CSMD1: variants seen among roughly 807,000 people sequenced by gnomAD.
The protein encoded by CSMD1 is CUB and Sushi multiple domains 1.
Under a neutral mutation model 417.5 loss-of-function variants are expected in CSMD1, and 213 were observed. The observed-to-expected ratio is 0.51, with a 90% confidence interval of 0.46 to 0.57. The LOEUF (loss-of-function observed/expected upper bound fraction) is 0.57, where lower values mean the gene tolerates loss of function less well. Among genes scored for constraint, CSMD1 ranks in the 20% least tolerant of loss-of-function variants. The pLI, the probability that CSMD1 is intolerant of heterozygous loss-of-function variation, is 0.00. For missense variants in CSMD1, 6,923 were observed against 4,529.7 expected, an observed-to-expected ratio of 1.53 and a Z score of -15.17; for synonymous variants, 2,862 against 1,736.8, an observed-to-expected ratio of 1.65 and a Z score of -16.11.
chr8:4,271,280 C>T (rs192030359), intron 3 of CSMD1, among the ~76,000 whole-genome samples: 3 of 152,006 alleles, frequency 2.0e-5, no homozygotes, highest in African/African-American at 7.3e-5. Flanking sequence ...GGGGTTGGTG[C>T]CCTAACAGCA....
intron 3 of CSMD1, among the ~76,000 whole-genome samples, chr8:4,082,967 G>T (rs1004376642): frequency 6.6e-6 from 1 of 151,686 alleles, no homozygotes; most frequent in Non-Finnish European, 1.5e-5. Flanking sequence ...TGGCTGAATA[G>T]GACTCCATGG....
At chr8:4,830,792 A>C in intron 1 of CSMD1, among the ~76,000 whole-genome samples, 1 of 152,230 alleles carries the variant, frequency 6.6e-6, no homozygotes, top group Non-Finnish European at 1.5e-5. Context: ...AGTCAAGTGC[A>C]GCCTACTGTG....
intron 3 of CSMD1, among the ~76,000 whole-genome samples, chr8:4,308,085 C>G (rs13265430): frequency 6.6e-6 from 1 of 151,968 alleles, no homozygotes; most frequent in Non-Finnish European, 1.5e-5. Flanking sequence ...GGTCTTTATT[C>G]GAACAGTGGC....
chr8:3,855,948 C>T (rs1234766292), intron 5 of CSMD1, among the ~76,000 whole-genome samples: 1 of 152,136 alleles, frequency 6.6e-6, no homozygotes, highest in Non-Finnish European at 1.5e-5. Flanking sequence ...ATCCCAGAAG[C>T]ATCTCCCTAC....
At chr8:3,834,390 T>A (rs1047525889) in intron 5 of CSMD1, among the ~76,000 whole-genome samples, 1 of 152,050 alleles carries the variant, frequency 6.6e-6, no homozygotes, top group African/African-American at 2.4e-5. Context: ...CAACCAATTG[T>A]GCCTGCACAG....
chr8:3,708,921 T>C (rs567664380), intron 6 of CSMD1, among the ~76,000 whole-genome samples: 3 of 152,292 alleles, frequency 2.0e-5, no homozygotes, highest in African/African-American at 7.2e-5. Flanking sequence ...CTCATTCATG[T>C]ATTCATATAT....
intron 5 of CSMD1, among the ~76,000 whole-genome samples, chr8:3,882,009 T>C (rs568922568): frequency 1.3e-5 from 2 of 152,240 alleles, no homozygotes; most frequent in South Asian, 2.1e-4. Flanking sequence ...TATTCTACGA[T>C]GTCTGATGAT....
At chr8:3,185,160 G>A (rs918958224) in intron 36 of CSMD1, among the ~76,000 whole-genome samples, 4 of 152,224 alleles carry the variant, frequency 2.6e-5, no homozygotes, top group Admixed American at 6.5e-5. Flanking sequence ...TGCAGCTGAC[G>A]TCAGAGGGGA....
chr8:3,486,401 G>A (rs1818037536), intron 11 of CSMD1, among the ~76,000 whole-genome samples: 1 of 152,176 alleles, frequency 6.6e-6, no homozygotes, highest in Non-Finnish European at 1.5e-5. Context: ...CCCCAAAATA[G>A]TAGCATCCTT....
chr8:3,591,573 C>G (rs535748242), intron 8 of CSMD1, among the ~76,000 whole-genome samples: 3 of 152,160 alleles, frequency 2.0e-5, no homozygotes, highest in Admixed American at 6.5e-5. Flanking sequence ...CCGCTGTTTA[C>G]CAGAGATTAC....
Position 3,369,251 on chromosome 8 carries a change from T to G in CSMD1, c.2899+3A>C. The stretch of plus-strand genomic sequence containing the variant: ...ATGTTTGAGACCTATGATAGATTCT[T>G]ACCTTTCCCATGAGACACTTCAATG... On this transcript the variant is annotated splice_donor_region_variant and intron_variant, in intron 19 of 69. Coordinates refer to ENST00000635120, the MANE Select transcript of CSMD1 (RefSeq NM_033225.6). 7.0e-7 allele frequency: 1 copy of G among 1,434,260 alleles called. No individual in the cohort carries two copies. The highest frequency in any genetic ancestry group is 9.8e-7 in the Non-Finnish European group (1 of 1,018,828). The allele number at this position is 1,434,260 out of a possible 1,614,324, so 88.8% of individuals were successfully genotyped here. A position where few individuals can be genotyped will look rare whatever the true frequency, so the allele number is the denominator to read the frequency against.
At chr8:4,139,724 G>A (rs1803666336) in intron 3 of CSMD1, among the ~76,000 whole-genome samples, 1 of 151,168 alleles carries the variant, frequency 6.6e-6, no homozygotes, top group Admixed American at 6.6e-5. Flanking sequence ...CCCGAGTGAT[G>A]CTTGAGTAGA....
At chr8:4,249,712 T>A (rs1802936568) in intron 3 of CSMD1, among the ~76,000 whole-genome samples, 1 of 152,164 alleles carries the variant, frequency 6.6e-6, no homozygotes, top group African/African-American at 2.4e-5. Context: ...CTGGAAGACT[T>A]GGCCTCAGCA....
intron 1 of CSMD1, among the ~76,000 whole-genome samples, chr8:4,909,244 T>C (rs1226379629): frequency 1.3e-5 from 2 of 152,152 alleles, no homozygotes; most frequent in African/African-American, 2.4e-5. Context: ...TTTATAACCT[T>C]CCTACTAGCT....
At chr8:4,941,171 A>G (rs1807972425) in intron 1 of CSMD1, among the ~76,000 whole-genome samples, 1 of 152,230 alleles carries the variant, frequency 6.6e-6, no homozygotes, top group South Asian at 2.1e-4. Flanking sequence ...ATAAATATTA[A>G]AATAAAAAAC....
At chr8:3,715,715 G>T (rs1466805902) in intron 6 of CSMD1, among the ~76,000 whole-genome samples, 3 of 151,982 alleles carry the variant, frequency 2.0e-5, no homozygotes, top group African/African-American at 7.2e-5. Context: ...CCTATTTTTT[G>T]TATTTTTAGT....
At chr8:4,558,576 T>C (rs1246960457) in intron 2 of CSMD1, among the ~76,000 whole-genome samples, 4 of 152,010 alleles carry the variant, frequency 2.6e-5, no homozygotes, top group South Asian at 2.1e-4. Flanking sequence ...TAATAAACAA[T>C]AGAGACTTTG....
At chr8:4,301,818 CATAAA>C (rs1412432093) in intron 3 of CSMD1, among the ~76,000 whole-genome samples, 2 of 152,182 alleles carry the variant, frequency 1.3e-5, no homozygotes, top group African/African-American at 4.8e-5. Flanking sequence ...TCATTGTCCC[CATAAA>C]CTTTTCAGAA....
chr8:3,168,677 C>T (rs1179006316), intron 37 of CSMD1, among the ~76,000 whole-genome samples: 3 of 149,320 alleles, frequency 2.0e-5, no homozygotes, highest in African/African-American at 7.5e-5. Flanking sequence ...ATGGAAAACG[C>T]CATTAATAAC....
Sources: gnomAD v4.1 joint callset for allele counts (sites outside exome capture counted in the v4.1 genomes callset) on GRCh38, gnomAD v4.1.1 for gene constraint, MANE v1.5 for transcripts, NCBI Gene and HGNC (gene_info 2026-07-23, HGNC 2026-07-21) for gene names.